The following CDC27 variants were observed in gnomAD, a reference collection of about 807,000 sequenced individuals.
CDC27 encodes the protein cell division cycle 27, also known as cell division cycle protein 27 homolog.
In CDC27, 27 loss-of-function variants were observed where a neutral mutation model predicts 109.7. The observed-to-expected ratio is 0.25, with a 90% confidence interval of 0.18 to 0.34. CDC27 has a LOEUF of 0.34. CDC27 is among the 10% of genes least tolerant of loss of function. CDC27 has a pLI of 1.00. For synonymous variants in CDC27, 266 were observed against 333.9 expected (o/e 0.80, Z 2.22); for missense variants, 579 against 960.2 (o/e 0.60, Z 5.25).
intron 3 of CDC27, among the ~76,000 whole-genome samples, chr17:47,170,577 A>G (rs1158308971): frequency 1.3e-5 from 2 of 152,160 alleles, no homozygotes; most frequent in South Asian, 2.1e-4. Flanking sequence ...ATGATCTTAA[A>G]ATTTCACTTT....
intron 16 of CDC27, among the ~76,000 whole-genome samples, chr17:47,128,465 CA>C (rs2062217305): frequency 6.6e-6 from 1 of 152,130 alleles, no homozygotes; most frequent in African/African-American, 2.4e-5. Context: ...TCAGGCTAAG[CA>C]TACATAATTT....
intron 4 of CDC27, among the ~76,000 whole-genome samples, chr17:47,169,502 G>A (rs528666240): frequency 1.3e-5 from 2 of 152,020 alleles, no homozygotes; most frequent in African/African-American, 4.8e-5. Context: ...AAAATTAGCT[G>A]GGCGTGGTGT....
In CDC27 at chr17:47,138,844, A is replaced by C. The variant is rs62075659; in HGVS notation, c.1599T>G (p.Val533=). The C allele has an allele frequency of 2.9e-5, 46 of 1,605,222 alleles. No individual in the cohort carries two copies. In the African/African-American group the frequency reaches 5.5e-4, roughly 19 times the overall value. ...TTGTAGAGTAGATCTCCATGCCTTC[A>C]ACTCTATAATTCTCAATCCTTCTAA... is the stretch of plus-strand genomic sequence containing the variant. The part of the protein sequence containing the change: ...SEVRRIENYR[V]EGMEIYSTTL... Residue 533 remains valine (V), a synonymous_variant, in exon 13 of 19, where the codon GTT becomes GTG. Transcript: ENST00000066544.
chr17:47,131,496 C>T (rs766312950), intron 15 of CDC27, among the ~76,000 whole-genome samples: 13 of 151,578 alleles, frequency 8.6e-5, no homozygotes, highest in Non-Finnish European at 1.5e-4. Context: ...CCCACAAAAG[C>T]TAAACTTGCT....
At chr17:47,166,386 T>C (rs529055184) in intron 4 of CDC27, among the ~76,000 whole-genome samples, 22 of 152,332 alleles carry the variant, frequency 1.4e-4, no homozygotes, top group African/African-American at 4.1e-4. Flanking sequence ...GTTAAATTCA[T>C]GTGCATAGAG....
chr17:47,129,598 C>T (rs1171405275), intron 15 of CDC27, 77 bp from the exon 16 acceptor site: 4 of 948,708 alleles, frequency 4.2e-6, no homozygotes, highest in South Asian at 3.5e-5. Context: ...TGACTCAAAA[C>T]CAACATAATC....
chr17:47,169,842 A>G (rs2063760848), intron 4 of CDC27, 75 bp downstream of exon 4: 4 of 1,267,498 alleles, frequency 3.2e-6, no homozygotes, highest in Non-Finnish European at 4.3e-6. Context: ...AACACTGATC[A>G]ACATAGGTTT....
Position 47,143,998 on chromosome 17 carries a change from A to G in CDC27, c.1071-16T>C. 1.7e-6 allele frequency: 2 copies of G among 1,150,674 alleles called. No homozygotes were observed. Among genetic ancestry groups the G allele is most frequent in the Non-Finnish European group, 2.4e-6 (2 of 848,594 alleles). 71.3% of individuals were successfully genotyped at this position (1,150,674 alleles called of 1,614,324 possible). ...AGGTGTTGTACTAAAAAAAAATTAT[A>G]AAGGAAGACATTAATATTTTACTTG... On this transcript the variant is annotated splice_polypyrimidine_tract_variant and intron_variant, in intron 9 of 18. Coordinates refer to ENST00000066544, the MANE Select transcript of CDC27 (RefSeq NM_001256.6).
chr17:47,146,764 T>C (rs1277850429), intron 9 of CDC27, among the ~76,000 whole-genome samples: 1 of 152,070 alleles, frequency 6.6e-6, no homozygotes, highest in African/African-American at 2.4e-5. Flanking sequence ...TATCCAGTAA[T>C]CAACAATGTA....
intron 8 of CDC27, 55 bp from the exon 9 acceptor site, chr17:47,151,973 T>C (rs745682932): frequency 1.3e-6 from 2 of 1,508,600 alleles, no homozygotes; most frequent in Non-Finnish European, 1.8e-6. Context: ...CTGTAAATGA[T>C]AAAAGACAAC....
chr17:47,164,694 G>A (rs2063593110), intron 4 of CDC27, among the ~76,000 whole-genome samples: 2 of 152,132 alleles, frequency 1.3e-5, no homozygotes. Context: ...GCGCTCACAT[G>A]TAATCCCAGC....
At chr17:47,137,708 T>C (rs1315883716) in intron 13 of CDC27, among the ~76,000 whole-genome samples, 3 of 152,162 alleles carry the variant, frequency 2.0e-5, no homozygotes. Context: ...GCAAGAAGCT[T>C]TGGCTCTGGG....
chr17:47,151,339 G>A (rs191797923), intron 9 of CDC27, among the ~76,000 whole-genome samples: 1 of 152,150 alleles, frequency 6.6e-6, no homozygotes, highest in Non-Finnish European at 1.5e-5. Flanking sequence ...AAAGAAAATT[G>A]TATCTTCCTT....
intron 13 of CDC27, among the ~76,000 whole-genome samples, chr17:47,137,741 C>G (rs1181532210): frequency 6.6e-6 from 1 of 151,990 alleles, no homozygotes; most frequent in Non-Finnish European, 1.5e-5. Flanking sequence ...GAATTTGAAT[C>G]CCACTGCTGG....
intron 16 of CDC27, 37 bp from the exon 17 acceptor site, chr17:47,123,997 AT>A: frequency 6.8e-7 from 1 of 1,461,056 alleles, no homozygotes; most frequent in Non-Finnish European, 9.3e-7. Context: ...AGTAGCAAAA[AT>A]TTTTAAAGTT....
In CDC27 at chr17:47,156,963, A is replaced by T; in HGVS notation, c.792T>A (p.Thr264=). 5 of 1,577,574 alleles carry T rather than the reference A, an allele frequency of 3.2e-6. No individual in the cohort carries two copies. Among genetic ancestry groups the T allele is most frequent in the Non-Finnish European group, 4.3e-6 (5 of 1,155,038 alleles). The change falls in exon 7 of 19, where the codon ACT becomes ACA. Residue 264 remains threonine, a synonymous_variant. Coordinates refer to ENST00000066544, the MANE Select transcript of CDC27 (RefSeq NM_001256.6). The part of the protein sequence containing the change: ...LSKQVQNKPK[T]GRSLLGGPAA... The stretch of plus-strand genomic sequence containing the variant: ...CTGGTCCTCCTAATAAACTTCGACC[A>T]GTTTTTGGTTTATTTTGAACCTGTT...
intron 4 of CDC27, chr17:47,159,811 G>GAAAC (rs1284681290): frequency 4.3e-6 from 2 of 462,516 alleles, no homozygotes; most frequent in Non-Finnish European, 8.4e-6. Flanking sequence ...CAGATTCCCT[G>GAAAC]ATGGGCAGGG....
intron 4 of CDC27, among the ~76,000 whole-genome samples, chr17:47,167,961 A>C (rs1249859464): frequency 6.6e-6 from 1 of 152,212 alleles, no homozygotes; most frequent in Non-Finnish European, 1.5e-5. Flanking sequence ...CAGTTGACTT[A>C]TAAAGGATAT....
At chr17:47,147,428 CAAAAAAA>C (rs112729209) in intron 9 of CDC27, among the ~76,000 whole-genome samples, 4 of 134,780 alleles carry the variant, frequency 3.0e-5, no homozygotes, top group Admixed American at 2.9e-4. Flanking sequence ...AACAAACAAA[CAAAAAAA>C]AAAACACTAG....
Sources: allele counts gnomAD v4.1 joint callset (sites outside exome capture counted in the v4.1 genomes callset), GRCh38; gene constraint gnomAD v4.1.1; transcripts MANE v1.5; gene names NCBI Gene and HGNC (gene_info 2026-07-23, HGNC 2026-07-21).